ATXN2: variants seen among roughly 807,000 people sequenced by gnomAD.
ATXN2 encodes the protein ataxin 2, also known as ataxin-2.
ATXN2 carries 37 observed loss-of-function variants against 138.6 expected under a neutral mutation model. The ratio of observed to expected loss-of-function variants is 0.27; its 90% CI spans 0.21 to 0.35. The LOEUF is 0.35. Among genes scored for constraint, ATXN2 ranks in the 10% least tolerant of loss-of-function variants. ATXN2 has a pLI of 1.00. For synonymous variants in ATXN2, 549 were observed against 543.7 expected, an observed-to-expected ratio of 1.01 and a Z score of -0.13; for missense variants, 1,216 against 1,480.3, an observed-to-expected ratio of 0.82 and a Z score of 2.93.
chr12:111,454,294 CATTA>C (rs1874896580), intron 23 of ATXN2: 1 of 153,876 alleles, frequency 6.5e-6, no homozygotes, highest in Non-Finnish European at 1.4e-5. Context: ...AAACAGATTA[CATTA>C]ATAAGCAGAG....
Position 111,569,030 on chromosome 12 carries a change from G to A in ATXN2, c.252-13111C>T, listed in dbSNP as rs530017509. Among the ~76,000 whole-genome samples the A allele has an allele frequency of 1.5e-4, 23 of 152,266 alleles. No individual in the cohort carries two copies. The South Asian group carries it at 2.1e-3, about 14-fold the overall frequency. Reference sequence around the variant, plus strand: ...TGTTTTGTTTTGTTTTTAGGAAACTGAGGTGGGAAGGCAACTCTAAATTCA... The same window carrying A: ...TGTTTTGTTTTGTTTTTAGGAAACTAAGGTGGGAAGGCAACTCTAAATTCA... On this transcript the variant is annotated intron_variant, in intron 1 of 24. Transcript: ENST00000673436.
At chr12:111,461,686 G>A (rs959562302) in intron 21 of ATXN2, among the ~76,000 whole-genome samples, 1 of 151,730 alleles carries the variant, frequency 6.6e-6, no homozygotes, top group Non-Finnish European at 1.5e-5. Flanking sequence ...GGAACCAGGG[G>A]CCGAGGTAGG....
chr12:111,527,866 C>T (rs1227779914), intron 5 of ATXN2, among the ~76,000 whole-genome samples: 5 of 152,206 alleles, frequency 3.3e-5, no homozygotes, highest in Non-Finnish European at 7.3e-5. Context: ...TTCTTCTCTA[C>T]ATTATCTTAA....
chr12:111,534,098 A>G (rs1881001553), intron 5 of ATXN2, among the ~76,000 whole-genome samples: 2 of 151,742 alleles, frequency 1.3e-5, no homozygotes, highest in South Asian at 2.1e-4. Context: ...ACATAAAAAT[A>G]TAATAAATAT....
intron 5 of ATXN2, among the ~76,000 whole-genome samples, chr12:111,536,609 A>G (rs80029398): frequency 1.0e-3 from 155 of 152,158 alleles, no homozygotes; most frequent in African/African-American, 3.5e-3. Context: ...CCCCAACTCT[A>G]TTTTCAAAAA....
rs536019261 is a variant in ATXN2 at position 111,493,944 on chromosome 12, G to A, written c.1936-5164C>T. Among the ~76,000 whole-genome samples, 5 of 147,562 alleles carry A rather than the reference G, an allele frequency of 3.4e-5. No individual in the cohort carries two copies. The East Asian group carries it at 1.0e-3, about 30-fold the overall frequency. On this transcript the variant is annotated intron_variant, in intron 14 of 24. Transcript: ENST00000673436. ...CCAGGGTTTTGTTTTGTTTTGTATT[G>A]TTTTTTGAGACAGTCTTACTCTGTT...
chr12:111,489,711 C>T (rs540432296), intron 14 of ATXN2, among the ~76,000 whole-genome samples: 1 of 151,480 alleles, frequency 6.6e-6, no homozygotes, highest in East Asian at 1.9e-4. Flanking sequence ...TGCTTAAGCT[C>T]AGGAGTTCAA....
At chr12:111,565,278 C>G (rs578173928) in intron 1 of ATXN2, among the ~76,000 whole-genome samples, 1 of 152,062 alleles carries the variant, frequency 6.6e-6, no homozygotes, top group South Asian at 2.1e-4. Context: ...ACAAGCTGAC[C>G]GTCTGTGGAA....
At chr12:111,532,852 G>GGA (rs1880913645) in intron 5 of ATXN2, among the ~76,000 whole-genome samples, 1 of 106,488 alleles carries the variant, frequency 9.4e-6, no homozygotes. Context: ...ATAGGTTTAA[G>GGA]GAAAAAAAAA....
At chr12:111,565,709 A>T (rs1025793500) in intron 1 of ATXN2, among the ~76,000 whole-genome samples, 3 of 152,108 alleles carry the variant, frequency 2.0e-5, no homozygotes, top group Non-Finnish European at 4.4e-5. Context: ...AAATTAGGCC[A>T]ATTAGGCCAG....
intron 1 of ATXN2, among the ~76,000 whole-genome samples, chr12:111,590,899 T>G (rs1310684571): frequency 6.6e-6 from 1 of 152,058 alleles, no homozygotes; most frequent in Non-Finnish European, 1.5e-5. Flanking sequence ...GAACAATTTT[T>G]TTTTTTTTAG....
In ATXN2 at chr12:111,594,854, T is replaced by C. The variant is rs537799221; in HGVS notation, c.251+3930A>G. On this transcript the variant is annotated intron_variant, in intron 1 of 24. Transcript: ENST00000673436. ...AAGCTTTAGAACAGTTCCTCAGGAA[T>C]TTCATTCCTGCACTTTACTCAGTAC... Among the ~76,000 whole-genome samples the C allele has an allele frequency of 1.3e-5, 2 of 152,220 alleles. 1 individual carries two copies. The highest frequency in any genetic ancestry group is 4.1e-4 in the South Asian group (2 of 4,822).
intron 5 of ATXN2, among the ~76,000 whole-genome samples, chr12:111,547,434 A>C (rs916189224): frequency 6.7e-6 from 1 of 148,574 alleles, no homozygotes; most frequent in African/African-American, 2.5e-5. Context: ...CTCAAAATAA[A>C]GGTTTCCCTG....
chr12:111,525,213 A>C lies in ATXN2; in HGVS notation c.675T>G (p.Leu225=). ...TTACTACGTCATTTTCCAAAGCCTCAAGTTCCTCATTGGCTGTGAGTTCAC... is the reference window on the plus strand; with the variant it reads ...TTACTACGTCATTTTCCAAAGCCTCCAGTTCCTCATTGGCTGTGAGTTCAC... The part of the protein sequence containing the change: ...DAGELTANEE[L]EALENDVSNG... The change falls in exon 6 of 25, where the codon CTT becomes CTG. Residue 225 remains leucine, a synonymous_variant. Coordinates refer to ENST00000673436, the MANE Select transcript of ATXN2 (RefSeq NM_001372574.1). 1 of 1,612,194 alleles carries C rather than the reference A, an allele frequency of 6.2e-7. No homozygotes were observed. Among genetic ancestry groups the C allele is most frequent in the Non-Finnish European group, 8.5e-7 (1 of 1,179,578 alleles).
chr12:111,515,175 AATTT>A (rs1205389607), intron 10 of ATXN2, among the ~76,000 whole-genome samples: 1 of 152,202 alleles, frequency 6.6e-6, no homozygotes, highest in Non-Finnish European at 1.5e-5. Context: ...AGATGGTAAC[AATTT>A]ATTTAAAAGT....
chr12:111,453,612 C>T lies in ATXN2; in HGVS notation c.3439+65G>A, dbSNP rs1245917299. The T allele has an allele frequency of 2.0e-5, 29 of 1,475,102 alleles. No individual in the cohort carries two copies. The highest frequency in any genetic ancestry group is 2.6e-5 in the Non-Finnish European group (29 of 1,109,218). 91.4% of individuals were successfully genotyped at this position (1,475,102 alleles called of 1,614,324 possible). ...GGCTTGAAGCACTGGCCCTGCCTGCCATTCCACCTGTGCGAGCAGAATGCT... is the reference window on the plus strand; with the variant it reads ...GGCTTGAAGCACTGGCCCTGCCTGCTATTCCACCTGTGCGAGCAGAATGCT... On this transcript the variant is annotated intron_variant, in intron 24 of 24. Coordinates refer to ENST00000673436, the MANE Select transcript of ATXN2 (RefSeq NM_001372574.1). This position sits in a 1 kb window ranked among gnomAD's most constrained non-coding sequence, Gnocchi z 5.4.
chr12:111,502,273 T>C (rs1460400643), intron 14 of ATXN2, among the ~76,000 whole-genome samples: 1 of 152,194 alleles, frequency 6.6e-6, no homozygotes, highest in East Asian at 1.9e-4. Context: ...ATTATTGCCA[T>C]CTTACAAATA....
intron 18 of ATXN2, among the ~76,000 whole-genome samples, chr12:111,474,260 T>C (rs1807051116): frequency 6.6e-6 from 1 of 151,532 alleles, no homozygotes; most frequent in African/African-American, 2.4e-5. Context: ...CTTGGCTGGG[T>C]GTGATGGCTC....
At chr12:111,538,573 G>T (rs373804902) in intron 5 of ATXN2, among the ~76,000 whole-genome samples, 1 of 135,626 alleles carries the variant, frequency 7.4e-6, no homozygotes, top group Non-Finnish European at 1.7e-5. Flanking sequence ...GGCTGGTCTT[G>T]AACTACTGGG....
Sources: gnomAD v4.1 joint callset for allele counts (sites outside exome capture counted in the v4.1 genomes callset) on GRCh38, gnomAD v4.1.1 for gene constraint, Gnocchi (gnomAD v3.1) non-coding constraint, MANE v1.5 for transcripts, NCBI Gene and HGNC (gene_info 2026-07-23, HGNC 2026-07-21) for gene names.